LMBRD1: variants seen among roughly 807,000 people sequenced by gnomAD.
LMBRD1 encodes the protein lysosomal cobalamin transport escort protein LMBD1.
A neutral mutation model predicts 74.8 loss-of-function variants in LMBRD1; 64 were observed. The observed-to-expected ratio is 0.86, with a 90% CI of 0.70 to 1.05. The LOEUF (loss-of-function observed/expected upper bound fraction) is 1.05. Ranked by LOEUF, LMBRD1 falls within the 50% of genes least tolerant of loss-of-function variation. The probability of loss-of-function intolerance (pLI) is 0.00; values close to 1 mark genes in which losing one functional copy is unlikely to be tolerated. For synonymous variants in LMBRD1, 204 were observed against 216.3 expected, an observed-to-expected ratio of 0.94 and a Z score of 0.50; for missense variants, 652 against 645.9, an observed-to-expected ratio of 1.01 and a Z score of -0.10.
At chr6:69,681,324 G>A (rs921460783) in intron 14 of LMBRD1, among the ~76,000 whole-genome samples, 2 of 151,804 alleles carry the variant, frequency 1.3e-5, no homozygotes, top group African/African-American at 4.8e-5. Context: ...AGAAATAACA[G>A]GAAATGCAAG....
intron 3 of LMBRD1, among the ~76,000 whole-genome samples, chr6:69,755,518 C>T (rs556337935): frequency 1.5e-4 from 23 of 149,566 alleles, no homozygotes; most frequent in Middle Eastern, 3.5e-3. Flanking sequence ...TTGACAGGTG[C>T]GGCAAACCAC....
chr6:69,718,807 G>T, intron 8 of LMBRD1, 149 bp downstream of exon 8: 2 of 759,082 alleles, frequency 2.6e-6, no homozygotes, highest in Non-Finnish European at 4.4e-6. Flanking sequence ...AGATTTAAGT[G>T]AGGACACAGT....
rs550933505 is a variant in LMBRD1 at position 69,796,998 on chromosome 6, G to A, written c.-117C>T. ...ACCCTAAAGGTTAAAGGGGCGGAGG[G>A]GGAGGAGCAAGTGGTTGCCAAGGAG... On this transcript the variant is annotated 5_prime_UTR_variant, in exon 1 of 16. Transcript: ENST00000649934. The A allele has an allele frequency of 1.6e-3, 1,385 of 886,398 alleles. 25 individuals are homozygous for A. The South Asian group carries it at 0.018, about 12-fold the overall frequency. 54.9% of individuals were successfully genotyped at this position (886,398 alleles called of 1,614,324 possible).
chr6:69,777,346 G>A (rs1164471906), intron 3 of LMBRD1, among the ~76,000 whole-genome samples: 1 of 151,816 alleles, frequency 6.6e-6, no homozygotes, highest in Non-Finnish European at 1.5e-5. Flanking sequence ...CCAGCTACTA[G>A]GGAGGGTGAG....
At chr6:69,697,132 T>C (rs1183137416) in intron 14 of LMBRD1, among the ~76,000 whole-genome samples, 1 of 151,950 alleles carries the variant, frequency 6.6e-6, no homozygotes, top group Non-Finnish European at 1.5e-5. Context: ...AACTGTATGT[T>C]TTTAAAGTTA....
Position 69,713,757 on chromosome 6 carries a change from G to A in LMBRD1, c.803C>T (p.Ala268Val), listed in dbSNP as rs1052257509. The A allele has an allele frequency of 1.9e-6, 3 of 1,613,428 alleles. No individual in the cohort carries two copies. Among genetic ancestry groups the A allele is most frequent in the African/African-American group, 2.7e-5 (2 of 74,862 alleles). ...GRPLPARDKR[A>V]LKQFEERLRT... ...TAACCTTTCTTCAAATTGTTTTAAG[G>A]CGCGTTTATCCCTTGCTGGCAAAGG... Residue 268 changes from alanine (A) to valine (V), a missense_variant, in exon 9 of 16, where the codon GCC becomes GTC. By Grantham distance (64) the Ala-to-Val change is moderately conservative. Around this residue, in one of 3 missense-constraint regions of LMBRD1, gnomAD observed 598 missense variants for 581.8 expected, o/e 1.03. Transcript: ENST00000649934.
intron 14 of LMBRD1, among the ~76,000 whole-genome samples, chr6:69,689,631 G>A (rs1473655159): frequency 6.6e-6 from 1 of 152,084 alleles, no homozygotes; most frequent in Non-Finnish European, 1.5e-5. Context: ...TTTTCCTAAA[G>A]CAAGCATACA....
intron 5 of LMBRD1, 112 bp from the exon 6 acceptor site, chr6:69,741,989 T>G (rs1562108015): frequency 4.4e-6 from 3 of 682,962 alleles, no homozygotes; most frequent in East Asian, 5.5e-5. Flanking sequence ...AAATCTGTAC[T>G]ATGCACAGAG....
At position 69,713,647 on chromosome 6, in the gene LMBRD1, T is replaced by C; in HGVS notation, c.913A>G (p.Lys305Glu). 3.7e-6 allele frequency: 6 copies of C among 1,613,384 alleles called. No homozygotes were observed. The highest frequency in any genetic ancestry group is 5.1e-6 in the Non-Finnish European group (6 of 1,179,502). ...TAATTTTTAAAAACTTCATTTACCT[T>C]CAGGGGACGCAGAGCGCCACAAAAT... ...TKFCGALRPLKIVWGIFFILV... is the reference protein window; with the variant it reads ...TKFCGALRPLEIVWGIFFILV... The change falls in exon 9 of 16, where the codon AAG (lysine) becomes GAG (glutamate). Residue 305 changes from lysine to glutamate, a missense_variant and splice_region_variant. By Grantham distance (56) the Lys-to-Glu change is moderately conservative. Around this residue, in one of 3 missense-constraint regions of LMBRD1, gnomAD observed 598 missense variants for 581.8 expected, o/e 1.03. Coordinates refer to ENST00000649934, the MANE Select transcript of LMBRD1 (RefSeq NM_018368.4).
chr6:69,778,741 A>T (rs1765759161), intron 3 of LMBRD1, among the ~76,000 whole-genome samples: 1 of 152,152 alleles, frequency 6.6e-6, no homozygotes. Context: ...ATAGGTCAAA[A>T]TTGTATTTTA....
At chr6:69,716,635 A>G (rs1403112416) in intron 8 of LMBRD1, among the ~76,000 whole-genome samples, 3 of 152,234 alleles carry the variant, frequency 2.0e-5, no homozygotes, top group African/African-American at 7.2e-5. Context: ...TAATTCTTCA[A>G]GCTACATATA....
At chr6:69,784,400 T>A (rs1765900185) in intron 2 of LMBRD1, among the ~76,000 whole-genome samples, 2 of 152,224 alleles carry the variant, frequency 1.3e-5, no homozygotes, top group Non-Finnish European at 2.9e-5. Flanking sequence ...AAAATGATTC[T>A]CCTCACTTTT....
At chr6:69,777,516 CTTATAAGTAACATCCCCAGTACTA>C (rs1765730928) in intron 3 of LMBRD1, among the ~76,000 whole-genome samples, 1 of 150,936 alleles carries the variant, frequency 6.6e-6, no homozygotes, top group African/African-American at 2.4e-5. Context: ...GCTAATCCTT[CTTATAAGTAACATCCCCAGTACTA>C]TTTATCAAAA....
At chr6:69,718,879 T>C in intron 8 of LMBRD1, 77 bp downstream of exon 8, 12 of 1,491,224 alleles carry the variant, frequency 8.0e-6, no homozygotes, top group East Asian at 2.3e-5. Context: ...GGGTTGACAA[T>C]GTCTAAGTCA....
At chr6:69,767,515 TC>T (rs1765496337) in intron 3 of LMBRD1, among the ~76,000 whole-genome samples, 1 of 151,856 alleles carries the variant, frequency 6.6e-6, no homozygotes, top group South Asian at 2.1e-4. Context: ...AAGATTTTTT[TC>T]CATTGCTGGT....
intron 4 of LMBRD1, among the ~76,000 whole-genome samples, chr6:69,750,532 A>G (rs1204499392): frequency 2.0e-5 from 3 of 152,100 alleles, no homozygotes; most frequent in Non-Finnish European, 2.9e-5. Flanking sequence ...CAGACTAACG[A>G]AGTATCTAAA....
At chr6:69,696,360 C>A (rs1027276721) in intron 14 of LMBRD1, among the ~76,000 whole-genome samples, 5 of 152,140 alleles carry the variant, frequency 3.3e-5, no homozygotes, top group African/African-American at 1.2e-4. Flanking sequence ...TTTCTCAAAT[C>A]CATTATCTAT....
At chr6:69,679,828 A>G (rs895284636) in intron 14 of LMBRD1, among the ~76,000 whole-genome samples, 2 of 152,124 alleles carry the variant, frequency 1.3e-5, no homozygotes, top group African/African-American at 2.4e-5. Context: ...GAATTGCTAT[A>G]AAGATCATAT....
chr6:69,715,586 C>A (rs1766470355), intron 8 of LMBRD1, among the ~76,000 whole-genome samples: 1 of 152,018 alleles, frequency 6.6e-6, no homozygotes, highest in Non-Finnish European at 1.5e-5. Flanking sequence ...AACATGAAAG[C>A]TTCCCTTCAC....
Sources: allele counts gnomAD v4.1 joint callset (sites outside exome capture counted in the v4.1 genomes callset), GRCh38; gene constraint gnomAD v4.1.1; regional missense constraint gnomAD v4.1.1; transcripts MANE v1.5; gene names NCBI Gene and HGNC (gene_info 2026-07-23, HGNC 2026-07-21).